Variants in CSF1R observed in about 807,000 individuals in gnomAD.
CSF1R encodes the protein colony stimulating factor 1 receptor, also known as macrophage colony-stimulating factor 1 receptor.
Under a neutral mutation model 110.0 loss-of-function variants are expected in CSF1R, and 40 were observed. The observed-to-expected ratio is 0.36, with a 90% CI of 0.28 to 0.47. CSF1R has a LOEUF of 0.47. Ranked by LOEUF, CSF1R falls within the 20% of genes least tolerant of loss-of-function variation. The pLI, the probability that CSF1R is intolerant of heterozygous loss-of-function variation, is 0.99. For synonymous variants in CSF1R, 523 were observed against 503.4 expected, an observed-to-expected ratio of 1.04 and a Z score of -0.52; for missense variants, 1,052 against 1,253.0, an observed-to-expected ratio of 0.84 and a Z score of 2.42.
At chr5:150,057,420 C>T (rs574305529) in intron 15 of CSF1R, 36 bp from the exon 16 acceptor site, 7 of 1,611,550 alleles carry the variant, frequency 4.3e-6, no homozygotes, top group Non-Finnish European at 4.2e-6. Flanking sequence ...AGCCCTGCCA[C>T]ACTCCCCACC....
intron 10 of CSF1R, among the ~76,000 whole-genome samples, chr5:150,065,297 G>A (rs1581298175): frequency 6.6e-6 from 1 of 152,154 alleles, no homozygotes; most frequent in African/African-American, 2.4e-5. Context: ...GGACCCTCCT[G>A]TTGCTCCTCA....
intron 1 of CSF1R, among the ~76,000 whole-genome samples, chr5:150,110,716 A>C (rs906979862): frequency 9.3e-5 from 14 of 151,212 alleles, no homozygotes; most frequent in Admixed American, 3.9e-4. Flanking sequence ...TAACTAAACT[A>C]TTTATAGTGA....
intron 1 of CSF1R, among the ~76,000 whole-genome samples, chr5:150,095,417 CA>C (rs1481419347): frequency 1.3e-5 from 2 of 151,972 alleles, no homozygotes; most frequent in Non-Finnish European, 2.9e-5. Context: ...ATAAGTTATG[CA>C]AAGTATTTCT....
rs1351622969 is a variant in CSF1R, at chr5:150,080,257, G to A, written c.387C>T (p.Leu129=). The A allele has an allele frequency of 1.9e-6, 3 of 1,613,924 alleles. No homozygotes were observed. The highest frequency in any genetic ancestry group is 2.2e-5 in the South Asian group (2 of 91,084). ...EDQDALLPCL[L]TDPVLEAGVS... ...CGCCTGCTTCCAGCACCGGGTCTGT[G>A]AGCAGACAGGGCAGTAGTGCGTCCT... Residue 129 remains leucine (L), a synonymous_variant, in exon 3 of 21, where the codon CTC becomes CTT. Transcript: ENST00000675795.
In CSF1R at chr5:150,081,469, A is replaced by G. The variant is rs140817405; in HGVS notation, c.50-445T>C. Among the ~76,000 whole-genome samples, 18 of 151,726 alleles carry G rather than the reference A, an allele frequency of 1.2e-4. No individual in the cohort carries two copies. The East Asian group carries it at 3.5e-3, about 29-fold the overall frequency. On this transcript the variant is annotated intron_variant, in intron 1 of 20. Transcript: ENST00000675795. ...CCTCAGCTTAATTCATATGGGAAAG[A>G]AAAAAAAAGAGATGTAGGATCTTAG...
intron 10 of CSF1R, among the ~76,000 whole-genome samples, chr5:150,064,423 C>T (rs1296947489): frequency 2.6e-5 from 4 of 152,204 alleles, no homozygotes; most frequent in South Asian, 2.1e-4. Context: ...AACTTCCAGG[C>T]TCTGATTCGG....
chr5:150,084,367 G>T lies in CSF1R; in HGVS notation c.49+2012C>A, dbSNP rs1263802469. ...AAAAAGAAAGAAAGAAAGAAAGAAAGAAAGAAAGAAAGAAAGAAAGAAAGA... is the reference window on the plus strand; with the variant it reads ...AAAAAGAAAGAAAGAAAGAAAGAAATAAAGAAAGAAAGAAAGAAAGAAAGA... On this transcript the variant is annotated intron_variant, in intron 1 of 20. Coordinates refer to ENST00000675795, the MANE Select transcript of CSF1R (RefSeq NM_001288705.3). Among the ~76,000 whole-genome samples, 21 of 39,636 alleles carry T rather than the reference G, an allele frequency of 5.3e-4. 1 individual carries two copies. The highest frequency in any genetic ancestry group is 3.3e-3 in the African/African-American group (20 of 6,110). The allele number at this position is 39,636 out of a possible 152,430, so 26.0% of individuals were successfully genotyped here.
chr5:150,108,146 G>A (rs1010088272), intron 1 of CSF1R, among the ~76,000 whole-genome samples: 1 of 152,252 alleles, frequency 6.6e-6, no homozygotes, highest in African/African-American at 2.4e-5. Flanking sequence ...AGGCGTAAGA[G>A]TGCACAGGGT....
intron 14 of CSF1R, chr5:150,058,340 A>G (rs1757345649): frequency 2.2e-6 from 1 of 456,142 alleles, no homozygotes; most frequent in East Asian, 7.0e-5. Flanking sequence ...ACTGCTCCTA[A>G]CGTTCCAGCC....
Position 150,070,264 on chromosome 5 carries a change from C to T in CSF1R, c.1237G>A (p.Gly413Ser), listed in dbSNP as rs34951517. 20,699 of 1,614,094 alleles carry T rather than the reference C, an allele frequency of 0.013. 175 individuals are homozygous for T. The highest frequency in any genetic ancestry group is 0.015 in the Non-Finnish European group (18,155 of 1,179,984). Residue 413 changes from glycine (G) to serine (S), a missense_variant, in exon 8 of 21, where the codon GGC becomes AGC. Physicochemically the swap from Gly to Ser is moderately conservative, Grantham distance 56. This residue lies in a region of CSF1R where 693 missense variants were observed against 735.4 expected (regional missense o/e 0.94). Transcript: ENST00000675795. ...GCAGCACACAAAAGGGTGCCAGAGC[C>T]GTTGATGAATGTCCATATGACGCTT... ...EVSVIWTFIN[G>S]SGTLLCAASG...
Position 150,057,349 on chromosome 5 carries a change from G to A in CSF1R, c.2257C>T (p.Arg753Trp), listed in dbSNP as rs372068592. 126 of 1,613,902 alleles carry A rather than the reference G, an allele frequency of 7.8e-5. No homozygotes were observed. Among genetic ancestry groups the A allele is most frequent in the Non-Finnish European group, 8.9e-5 (105 of 1,180,012 alleles). ...TGGCTGGAGAAGTGAAGCAGGTCCCGGAGCTCCAGGGGCCGTCCATCCTCC... is the reference window on the plus strand; with the variant it reads ...TGGCTGGAGAAGTGAAGCAGGTCCCAGAGCTCCAGGGGCCGTCCATCCTCC... ...DKEDGRPLEL[R>W]DLLHFSSQVA... is the part of the protein sequence containing the mutation. The change falls in exon 16 of 21, where the codon CGG becomes TGG. Residue 753 changes from arginine (R) to tryptophan (W), a missense_variant. By Grantham distance (101) the Arg-to-Trp change is moderately radical. Transcript: ENST00000675795.
At chr5:150,078,430 C>A (rs1025993479) in intron 3 of CSF1R, among the ~76,000 whole-genome samples, 182 bp from the exon 4 acceptor site, 2 of 152,072 alleles carry the variant, frequency 1.3e-5, no homozygotes. Flanking sequence ...CCTAAAGAGA[C>A]CTTGGAAAGT....
chr5:150,071,312 A>G (rs1758021692), intron 6 of CSF1R, among the ~76,000 whole-genome samples: 2 of 152,138 alleles, frequency 1.3e-5, no homozygotes, highest in African/African-American at 2.4e-5. Flanking sequence ...CTATTTTACA[A>G]TTTGTCCATA....
At chr5:150,085,338 T>G (rs1758796289) in intron 1 of CSF1R, among the ~76,000 whole-genome samples, 1 of 144,714 alleles carries the variant, frequency 6.9e-6, no homozygotes, top group Non-Finnish European at 1.5e-5. Flanking sequence ...CAGAGAAGGA[T>G]GGTCAGTGGG....
At chr5:150,103,139 A>C (rs1010164210) in intron 1 of CSF1R, among the ~76,000 whole-genome samples, 2 of 152,188 alleles carry the variant, frequency 1.3e-5, no homozygotes, top group African/African-American at 4.8e-5. Flanking sequence ...TTTGGGGAAG[A>C]CTCAGAGCCA....
intron 6 of CSF1R, among the ~76,000 whole-genome samples, chr5:150,071,199 A>G (rs1022159981): frequency 3.3e-5 from 5 of 152,220 alleles, no homozygotes; most frequent in Admixed American, 2.0e-4. Flanking sequence ...ACTCAATTCA[A>G]TGGTACCCTT....
In CSF1R at chr5:150,055,278, A is replaced by G; in HGVS notation, c.2613T>C (p.Asp871=). 6.2e-7 allele frequency: 1 copy of G among 1,614,198 alleles called. No individual in the cohort carries two copies. Among genetic ancestry groups the G allele is most frequent in the Non-Finnish European group, 8.5e-7 (1 of 1,180,028 alleles). ...ATGCAGGCTGGGCCATTTGGTATCC[A>G]TCCTTCACCAGTTTATAGAACTTGC... ...VNSKFYKLVK[D]GYQMAQPAFA... Residue 871 remains aspartate (D), a synonymous_variant, in exon 19 of 21, where the codon GAT becomes GAC. Transcript: ENST00000675795.
At chr5:150,057,759 C>A (rs1173715914) in intron 14 of CSF1R, among the ~76,000 whole-genome samples, 167 bp from the exon 15 acceptor site, 1 of 152,208 alleles carries the variant, frequency 6.6e-6, no homozygotes, top group Non-Finnish European at 1.5e-5. Context: ...GCTCGGCTGT[C>A]CCCGGTGAGG....
chr5:150,054,462 A>T (rs1561902021), intron 19 of CSF1R, 32 bp from the exon 20 acceptor site: 1 of 1,579,798 alleles, frequency 6.3e-7, no homozygotes, highest in Non-Finnish European at 8.6e-7. Context: ...GCCCATGGGC[A>T]GCTCCCTAGG....
Sources: gnomAD v4.1 joint callset for allele counts (sites outside exome capture counted in the v4.1 genomes callset) on GRCh38, gnomAD v4.1.1 for gene constraint, gnomAD v4.1.1 regional missense constraint, MANE v1.5 for transcripts, NCBI Gene and HGNC (gene_info 2026-07-23, HGNC 2026-07-21) for gene names.